PHACTR2: variants seen among roughly 807,000 people sequenced by gnomAD.
PHACTR2 encodes the protein phosphatase and actin regulator 2, also known as chromosome 6 open reading frame 56.
Under a neutral mutation model 76.0 loss-of-function variants are expected in PHACTR2, and 30 were observed. The observed-to-expected ratio is 0.39, with a 90% CI of 0.30 to 0.54. The LOEUF (loss-of-function observed/expected upper bound fraction) is 0.54, where lower values mean the gene tolerates loss of function less well. PHACTR2 is among the 20% of genes least tolerant of loss of function. The pLI, the probability that PHACTR2 is intolerant of heterozygous loss-of-function variation, is 0.61. For synonymous variants in PHACTR2, 292 were observed against 292.5 expected, an observed-to-expected ratio of 1.00 and a Z score of 0.02; for missense variants, 696 against 781.1, an observed-to-expected ratio of 0.89 and a Z score of 1.30.
In PHACTR2 at chr6:143,822,877, T is replaced by A. The variant is rs1776452753; in HGVS notation, c.1923-797T>A. 6.6e-6 allele frequency among the ~76,000 whole-genome samples: 1 copy of A among 152,224 alleles called. No homozygotes were observed. The highest frequency in any genetic ancestry group is 1.5e-5 in the Non-Finnish European group (1 of 68,042). ...CACCGGGCTACAAAAATGCAAGGAA[T>A]GTTCAGGAACTCACAAGGAGGGAAA... On this transcript the variant is annotated intron_variant, in intron 12 of 12. Coordinates refer to ENST00000440869, the MANE Select transcript of PHACTR2 (RefSeq NM_001100164.2). The surrounding 1 kb of genome is among the most constrained non-coding windows in gnomAD (Gnocchi z 5.5).
At position 143,595,320 on chromosome 6, in the gene PHACTR2, C is replaced by T. The variant is rs141277677; in HGVS notation, c.217+58113C>T. ...GGTTTCTGATTTTCTAGCTTTTTAA[C>T]AGTAAAGGTAACTTTATTTCCAGCA... On this transcript the variant is annotated intron_variant, in intron 1 of 11. Transcript: ENST00000367584. The surrounding 1 kb of genome is among the most constrained non-coding windows in gnomAD (Gnocchi z 4.2). 3.5e-4 allele frequency among the ~76,000 whole-genome samples: 54 copies of T among 152,282 alleles called. No homozygotes were observed. The highest frequency in any genetic ancestry group is 1.3e-3 in the African/African-American group (54 of 41,570).
Position 143,765,501 on chromosome 6 carries a change from A to G in PHACTR2, c.935A>G (p.Glu312Gly). 6.2e-7 allele frequency: 1 copy of G among 1,614,252 alleles called. No homozygotes were observed. Among genetic ancestry groups the G allele is most frequent in the Admixed American group, 1.7e-5 (1 of 60,034 alleles). The change falls in exon 6 of 13, where the codon GAG becomes GGG. Residue 312 changes from glutamate to glycine, a missense_variant. By Grantham distance (98) the Glu-to-Gly change is moderately conservative (BLOSUM62 -2). Around this residue, in one of 2 missense-constraint regions of PHACTR2, gnomAD observed 460 missense variants for 450.9 expected, o/e 1.02. Coordinates refer to ENST00000440869, the MANE Select transcript of PHACTR2 (RefSeq NM_001100164.2). The surrounding 1 kb of genome is among the most constrained non-coding windows in gnomAD (Gnocchi z 4.1). The part of the protein sequence containing the change: ...LKGEPAETRV[E>G]SFKLEQTVPG... Reference sequence around the variant, plus strand: ...GGAGAGCCTGCAGAGACCAGAGTGGAGAGTTTCAAACTCGAACAGACTGTC... The same window carrying G: ...GGAGAGCCTGCAGAGACCAGAGTGGGGAGTTTCAAACTCGAACAGACTGTC...
rs1336292817 is a variant in PHACTR2, at chr6:143,592,542, C to T, written c.217+55335C>T. On this transcript the variant is annotated intron_variant, in intron 1 of 11. Coordinates refer to the PHACTR2 transcript ENST00000367584. The surrounding 1 kb of genome is among the most constrained non-coding windows in gnomAD (Gnocchi z 4.0). ...CACATCGACTAATACTCTATAGGGGCCATTCCCTTGATTTGGTCACTCATC... is the reference window on the plus strand; with the variant it reads ...CACATCGACTAATACTCTATAGGGGTCATTCCCTTGATTTGGTCACTCATC... 1.3e-5 allele frequency among the ~76,000 whole-genome samples: 2 copies of T among 152,150 alleles called. No individual in the cohort carries two copies. The highest frequency in any genetic ancestry group is 2.9e-5 in the Non-Finnish European group (2 of 68,028).
intron 1 of PHACTR2, among the ~76,000 whole-genome samples, chr6:143,707,750 A>G (rs144393379): frequency 6.6e-6 from 1 of 152,332 alleles, no homozygotes; most frequent in East Asian, 1.9e-4. Context: ...ACTGCTGTAA[A>G]GAAATACCAG....
chr6:143,610,705 T>C lies in PHACTR2; in HGVS notation c.13+2383T>C, dbSNP rs1197753343. 3.9e-5 allele frequency among the ~76,000 whole-genome samples: 6 copies of C among 152,334 alleles called. No individual in the cohort carries two copies. The South Asian group carries it at 1.2e-3, about 32-fold the overall frequency. On this transcript the variant is annotated intron_variant, in intron 1 of 11. Transcript: ENST00000305766. The surrounding 1 kb of genome is among the most constrained non-coding windows in gnomAD (Gnocchi z 4.9). Reference sequence around the variant, plus strand: ...TGTGTACATTTCAGCTATCATGGCATTGTGAATCTGTCCTTTCTCTCCTTA... The same window carrying C: ...TGTGTACATTTCAGCTATCATGGCACTGTGAATCTGTCCTTTCTCTCCTTA...
rs991974947 is a variant in PHACTR2 at position 143,648,860 on chromosome 6, G to T, written c.13+40538G>T. Among the ~76,000 whole-genome samples the T allele has an allele frequency of 2.0e-5, 3 of 150,362 alleles. No individual in the cohort carries two copies. The highest frequency in any genetic ancestry group is 3.0e-5 in the Non-Finnish European group (2 of 67,640). ...TGTGTGTCTGTGTATGTGTCCATGT[G>T]TGTGTCTATGCATATGTGTCTATGT... On this transcript the variant is annotated intron_variant, in intron 1 of 11. Coordinates refer to the PHACTR2 transcript ENST00000305766. This position sits in a 1 kb window ranked among gnomAD's most constrained non-coding sequence, Gnocchi z 6.7.
rs1776232616 is a variant in PHACTR2 at position 143,625,130 on chromosome 6, TGGAG to T, written c.13+16809_13+16812del. ...AAGATTGCACCACTACACTCCAACA[TGGAG>T]TGTAGAGACAGAATGAGACTTCATC... On this transcript the variant is annotated intron_variant, in intron 1 of 11. Transcript: ENST00000305766. The surrounding 1 kb of genome is among the most constrained non-coding windows in gnomAD (Gnocchi z 4.3). 6.6e-6 allele frequency among the ~76,000 whole-genome samples: 1 copy of T among 151,210 alleles called. No homozygotes were observed. The highest frequency in any genetic ancestry group is 1.5e-5 in the Non-Finnish European group (1 of 67,852).
rs1007768355 is a variant in PHACTR2 at position 143,700,943 on chromosome 6, G to A, written c.47-11073G>A. 2.0e-5 allele frequency among the ~76,000 whole-genome samples: 3 copies of A among 152,216 alleles called. No individual in the cohort carries two copies. The highest frequency in any genetic ancestry group is 4.4e-5 in the Non-Finnish European group (3 of 68,036). On this transcript the variant is annotated intron_variant, in intron 1 of 12. Transcript: ENST00000440869. This position sits in a 1 kb window ranked among gnomAD's most constrained non-coding sequence, Gnocchi z 4.1. ...CTATTCCTAAGCAGTCATCCTATCT[G>A]TTCATAGAGACAACCCTTCCCTTGT... is the stretch of plus-strand genomic sequence containing the variant.
Position 143,621,257 on chromosome 6 carries a change from G to A in PHACTR2, c.13+12935G>A, listed in dbSNP as rs544933532. Among the ~76,000 whole-genome samples the A allele has an allele frequency of 2.6e-5, 4 of 152,128 alleles. No individual in the cohort carries two copies. The highest frequency in any genetic ancestry group is 5.9e-5 in the Non-Finnish European group (4 of 68,020). ...AACGGGTCTACAGAAAACATCAGGA[G>A]GCCCCCACAGGTTTCATTCTGGCTT... On this transcript the variant is annotated intron_variant, in intron 1 of 11. Coordinates refer to the PHACTR2 transcript ENST00000305766. The surrounding 1 kb of genome is among the most constrained non-coding windows in gnomAD (Gnocchi z 4.1).
rs1775486098 is a variant in PHACTR2, at chr6:143,783,721, G to T, written c.1707+441G>T. Among the ~76,000 whole-genome samples the T allele has an allele frequency of 6.6e-6, 1 of 152,050 alleles. No homozygotes were observed. The highest frequency in any genetic ancestry group is 6.6e-5 in the Admixed American group (1 of 15,264). On this transcript the variant is annotated intron_variant, in intron 10 of 12. Transcript: ENST00000440869. This position sits in a 1 kb window ranked among gnomAD's most constrained non-coding sequence, Gnocchi z 5.2. ...TGCTAATTTTGAATAATTAACAAGGGTTTTAAGTTGCATTTACTCCATGAA... is the reference window on the plus strand; with the variant it reads ...TGCTAATTTTGAATAATTAACAAGGTTTTTAAGTTGCATTTACTCCATGAA...
At chr6:143,542,204 T>C (rs1003107529) in intron 1 of PHACTR2, among the ~76,000 whole-genome samples, 7 of 152,126 alleles carry the variant, frequency 4.6e-5, no homozygotes, top group Admixed American at 2.6e-4. Context: ...GTGTACCTGG[T>C]GTGGACATGT....
rs1779431957 is a variant in PHACTR2, at chr6:143,761,129, A to C, written c.694+489A>C. Among the ~76,000 whole-genome samples the C allele has an allele frequency of 6.6e-6, 1 of 152,174 alleles. No homozygotes were observed. Among genetic ancestry groups the C allele is most frequent in the Admixed American group, 6.5e-5 (1 of 15,286 alleles). The stretch of plus-strand genomic sequence containing the variant: ...AGCATCCATAGTCATCTCCCTTCTG[A>C]TAAATGACAAAGGGTTCATGTCACT... On this transcript the variant is annotated intron_variant, in intron 5 of 12. Transcript: ENST00000440869. This position sits in a 1 kb window ranked among gnomAD's most constrained non-coding sequence, Gnocchi z 5.2.
chr6:143,677,062 A>G (rs1777262682), upstream of PHACTR2, among the ~76,000 whole-genome samples: 1 of 152,016 alleles, frequency 6.6e-6, no homozygotes, highest in African/African-American at 2.4e-5. Flanking sequence ...GCACTTTCTG[A>G]TATTTTTTAC....
rs897163734 is a variant in PHACTR2, at chr6:143,680,753, T to A, written c.46+2544T>A. Among the ~76,000 whole-genome samples the A allele has an allele frequency of 1.3e-5, 2 of 152,136 alleles. No individual in the cohort carries two copies. The highest frequency in any genetic ancestry group is 2.9e-5 in the Non-Finnish European group (2 of 68,006). ...GTGTTGTGTGACCCTCAATCTCTGTTCCCACCCTATTCAACCAGTGGGCTC... is the reference window on the plus strand; with the variant it reads ...GTGTTGTGTGACCCTCAATCTCTGTACCCACCCTATTCAACCAGTGGGCTC... On this transcript the variant is annotated intron_variant, in intron 1 of 12. Transcript: ENST00000440869. The surrounding 1 kb of genome is among the most constrained non-coding windows in gnomAD (Gnocchi z 4.5).
At chr6:143,638,999 C>T (rs1776518393) in intron 1 of PHACTR2, among the ~76,000 whole-genome samples, 1 of 152,218 alleles carries the variant, frequency 6.6e-6, no homozygotes, top group Non-Finnish European at 1.5e-5. Flanking sequence ...ACATTATCTC[C>T]TTAATGATCA....
chr6:143,827,140 G>C lies in PHACTR2; in HGVS notation c.*3451G>C, dbSNP rs1244920420. 12 of 93,048 alleles carry C rather than the reference G, an allele frequency of 1.3e-4. No individual in the cohort carries two copies. The East Asian group carries it at 4.4e-3, about 34-fold the overall frequency. 5.8% of individuals were successfully genotyped at this position (93,048 alleles called of 1,614,324 possible). A position where few individuals can be genotyped will look rare whatever the true frequency, so the allele number is the denominator to read the frequency against. ...CCTGCAATTAATTCAGGGCTGCGTT[G>C]GCATTAAAAAAGAAAATATATATAT... On this transcript the variant is annotated 3_prime_UTR_variant, in exon 13 of 13. Coordinates refer to ENST00000440869, the MANE Select transcript of PHACTR2 (RefSeq NM_001100164.2).
chr6:143,545,850 G>A (rs1341224353), intron 1 of PHACTR2, among the ~76,000 whole-genome samples: 1 of 152,146 alleles, frequency 6.6e-6, no homozygotes, highest in Non-Finnish European at 1.5e-5. Context: ...TAAGGCCCCA[G>A]TCAATGGTCG....
chr6:143,734,055 G>A (rs529056819), intron 2 of PHACTR2, among the ~76,000 whole-genome samples: 3 of 152,132 alleles, frequency 2.0e-5, no homozygotes, highest in South Asian at 4.1e-4. Flanking sequence ...TTATACATAG[G>A]TGGATGGAAA....
At chr6:143,685,470 T>C (rs967874086) in intron 1 of PHACTR2, among the ~76,000 whole-genome samples, 1 of 152,148 alleles carries the variant, frequency 6.6e-6, no homozygotes, top group South Asian at 2.1e-4. Context: ...ATGGTTACAA[T>C]TGTGAACTCA....
Sources: gnomAD v4.1 joint callset for allele counts (sites outside exome capture counted in the v4.1 genomes callset) on GRCh38, gnomAD v4.1.1 for gene constraint, gnomAD v4.1.1 regional missense constraint, Gnocchi (gnomAD v3.1) non-coding constraint, MANE v1.5 for transcripts, NCBI Gene and HGNC (gene_info 2026-07-23, HGNC 2026-07-21) for gene names.